Variants in CDH13 observed in about 807,000 individuals in gnomAD.
The protein encoded by CDH13 is cadherin-13.
A neutral mutation model predicts 63.8 loss-of-function variants in CDH13; 24 were observed. The observed-to-expected ratio is 0.38, with a 90% CI of 0.27 to 0.53. The LOEUF is 0.53. CDH13 is among the 20% of genes least tolerant of loss of function. CDH13 has a pLI of 0.85. For synonymous variants in CDH13, 503 were observed against 355.3 expected (o/e 1.42, Z -4.67); for missense variants, 1,049 against 903.1 (o/e 1.16, Z -2.07).
At chr16:83,125,184 A>G (rs1474644002) in intron 3 of CDH13, among the ~76,000 whole-genome samples, 1 of 152,212 alleles carries the variant, frequency 6.6e-6, no homozygotes, top group African/African-American at 2.4e-5. Flanking sequence ...AAATAGCTTA[A>G]TGATAGTTAT....
chr16:82,649,478 C>G (rs1049035921), intron 1 of CDH13, among the ~76,000 whole-genome samples: 4 of 152,140 alleles, frequency 2.6e-5, no homozygotes, highest in African/African-American at 7.2e-5. Flanking sequence ...GCACTAGATT[C>G]AACAAAAAGA....
intron 10 of CDH13, among the ~76,000 whole-genome samples, chr16:83,719,412 C>T (rs254318): frequency 1 from 151,842 of 152,184 alleles, 75,750 homozygotes; most frequent in Middle Eastern, 1. Flanking sequence ...GGGGAGGTTA[C>T]GCCACACTCC....
intron 1 of CDH13, among the ~76,000 whole-genome samples, chr16:82,707,274 A>G (rs2031568654): frequency 6.6e-6 from 1 of 152,210 alleles, no homozygotes; most frequent in Admixed American, 6.5e-5. Context: ...CAGCTGACTC[A>G]TTTTGTTATG....
At chr16:83,008,585 A>G (rs769841077) in intron 2 of CDH13, among the ~76,000 whole-genome samples, 13 of 152,178 alleles carry the variant, frequency 8.5e-5, no homozygotes, top group Admixed American at 3.3e-4. Context: ...TTTTCAGTAG[A>G]CGAGTGACAC....
intron 1 of CDH13, among the ~76,000 whole-genome samples, chr16:82,812,995 T>C (rs1408048672): frequency 6.6e-6 from 1 of 152,088 alleles, no homozygotes; most frequent in African/African-American, 2.4e-5. Flanking sequence ...CCTGTTAACT[T>C]TTTAAACCTG....
At chr16:83,045,009 A>T in intron 3 of CDH13, among the ~76,000 whole-genome samples, 1 of 152,212 alleles carries the variant, frequency 6.6e-6, no homozygotes, top group East Asian at 1.9e-4. Context: ...AGTCAATTCT[A>T]AATGTAAATA....
At chr16:82,638,129 C>G (rs1020230757) in intron 1 of CDH13, among the ~76,000 whole-genome samples, 2 of 152,190 alleles carry the variant, frequency 1.3e-5, no homozygotes, top group Admixed American at 6.5e-5. Context: ...TGCTGTCTTT[C>G]TTTCTTTCTT....
At chr16:83,611,237 T>C (rs1042989595) in intron 8 of CDH13, among the ~76,000 whole-genome samples, 4 of 152,136 alleles carry the variant, frequency 2.6e-5, no homozygotes, top group African/African-American at 9.6e-5. Flanking sequence ...ACTCTGGCTT[T>C]CCTCTTCTCT....
intron 6 of CDH13, among the ~76,000 whole-genome samples, chr16:83,382,364 T>C (rs1424072126): frequency 6.6e-6 from 1 of 152,156 alleles, no homozygotes. Context: ...TTAATGGAAA[T>C]ATTTTATTCT....
At chr16:83,434,232 T>A (rs1033065576) in intron 6 of CDH13, among the ~76,000 whole-genome samples, 1 of 152,162 alleles carries the variant, frequency 6.6e-6, no homozygotes, top group South Asian at 2.1e-4. Flanking sequence ...TGGACCCCAT[T>A]AGGGCCAGGT....
At chr16:83,597,380 A>G (rs1470844479) in intron 7 of CDH13, among the ~76,000 whole-genome samples, 1 of 152,256 alleles carries the variant, frequency 6.6e-6, no homozygotes, top group African/African-American at 2.4e-5. Flanking sequence ...GTGATATGGT[A>G]AAACAAATTG....
chr16:83,799,371 A>C lies in CDH13; in HGVS notation c.*4341A>C, dbSNP rs1904302743. The stretch of plus-strand genomic sequence containing the variant: ...CAGAGTACCCATTCACTACCAAACC[A>C]ACTGAGGGGAGAGAAAACTGAGGGA... On this transcript the variant is annotated 3_prime_UTR_variant, in exon 14 of 14. Transcript: ENST00000567109. The C allele has an allele frequency of 6.6e-6, 1 of 151,822 alleles. No homozygotes were observed. Among genetic ancestry groups the C allele is most frequent in the Non-Finnish European group, 1.5e-5 (1 of 67,992 alleles). 9.4% of individuals were successfully genotyped at this position (151,822 alleles called of 1,614,324 possible).
chr16:83,317,482 C>A, intron 5 of CDH13, among the ~76,000 whole-genome samples: 1 of 152,136 alleles, frequency 6.6e-6, no homozygotes, highest in South Asian at 2.1e-4. Context: ...ATCCTGGAAT[C>A]CACGTTTGCT....
chr16:83,617,313 T>G (rs1404669369), intron 8 of CDH13, among the ~76,000 whole-genome samples: 1 of 152,214 alleles, frequency 6.6e-6, no homozygotes, highest in Non-Finnish European at 1.5e-5. Flanking sequence ...TTATATACAA[T>G]GTTACCTGTA....
chr16:83,198,130 T>A (rs1351121875), intron 4 of CDH13, among the ~76,000 whole-genome samples: 1 of 152,128 alleles, frequency 6.6e-6, no homozygotes, highest in Non-Finnish European at 1.5e-5. Flanking sequence ...TACTTTACTT[T>A]CTCTGCCAGG....
chr16:82,657,134 T>A (rs932085488), intron 1 of CDH13, among the ~76,000 whole-genome samples: 2 of 152,110 alleles, frequency 1.3e-5, no homozygotes, highest in African/African-American at 4.8e-5. Flanking sequence ...ACCCAATGGA[T>A]GCCTGAAACT....
At chr16:82,921,542 G>C (rs1010975013) in intron 2 of CDH13, among the ~76,000 whole-genome samples, 1 of 152,178 alleles carries the variant, frequency 6.6e-6, no homozygotes, top group African/African-American at 2.4e-5. Context: ...CATATGCACA[G>C]ACATTTTTTT....
In CDH13 at chr16:83,783,267, G is replaced by A. The variant is rs141537452; in HGVS notation, c.1929G>A (p.Leu643=). Residue 643 remains leucine, a synonymous_variant, in exon 13 of 14, where the codon CTG becomes CTA. Transcript: ENST00000567109. ...KISKINNTHA[L]VSLLQNLNKA... Reference sequence around the variant, plus strand: ...TTGCCTTTACAGATACACACGCCCTGGTAAGCCTTCTTCAAAATCTGAACA... The same window carrying A: ...TTGCCTTTACAGATACACACGCCCTAGTAAGCCTTCTTCAAAATCTGAACA... 1.9e-4 allele frequency: 310 copies of A among 1,613,360 alleles called. No homozygotes were observed. The East Asian group carries it at 6.8e-3, about 35-fold the overall frequency.
At chr16:83,729,637 A>G (rs1910819753) in intron 10 of CDH13, among the ~76,000 whole-genome samples, 1 of 152,172 alleles carries the variant, frequency 6.6e-6, no homozygotes, top group Non-Finnish European at 1.5e-5. Flanking sequence ...CTGTTTCTTC[A>G]TCTATATAAT....
Sources: gnomAD v4.1 joint callset for allele counts (sites outside exome capture counted in the v4.1 genomes callset) on GRCh38, gnomAD v4.1.1 for gene constraint, MANE v1.5 for transcripts, NCBI Gene and HGNC (gene_info 2026-07-23, HGNC 2026-07-21) for gene names.